The following LRRC7 variants were observed in gnomAD, a reference collection of about 807,000 sequenced individuals.
The protein encoded by LRRC7 is leucine rich repeat containing 7, also known as leucine-rich repeat-containing protein 7.
LRRC7 carries 23 observed loss-of-function variants against 175.7 expected under a neutral mutation model. The ratio of observed to expected loss-of-function variants is 0.13; its 90% CI spans 0.09 to 0.19. The LOEUF (loss-of-function observed/expected upper bound fraction) is 0.19, where lower values mean the gene tolerates loss of function less well. Ranked by LOEUF, LRRC7 falls within the 10% of genes least tolerant of loss-of-function variation. LRRC7 has a pLI of 1.00. For missense variants in LRRC7, 1,354 were observed against 1,904.7 expected, an observed-to-expected ratio of 0.71 and a Z score of 5.38; for synonymous variants, 685 against 680.9, an observed-to-expected ratio of 1.01 and a Z score of -0.09.
At chr1:69,719,193 C>G (rs752674897) in intron 2 of LRRC7, among the ~76,000 whole-genome samples, 2 of 151,676 alleles carry the variant, frequency 1.3e-5, no homozygotes, top group Non-Finnish European at 3.0e-5. Flanking sequence ...CTTATTCCAT[C>G]TAATAATCGC....
At chr1:69,765,352 A>G (rs560737128) in intron 3 of LRRC7, among the ~76,000 whole-genome samples, 1 of 152,234 alleles carries the variant, frequency 6.6e-6, no homozygotes, top group Non-Finnish European at 1.5e-5. Flanking sequence ...CTCAGTGGAT[A>G]ACTGAACAGA....
intron 26 of LRRC7, among the ~76,000 whole-genome samples, chr1:70,119,007 T>TA (rs1311172258): frequency 6.6e-6 from 1 of 152,036 alleles, no homozygotes; most frequent in Non-Finnish European, 1.5e-5. Flanking sequence ...CTTCCCATGC[T>TA]AAAGCCTATG....
chr1:70,105,963 TA>T (rs1665116746), intron 25 of LRRC7, among the ~76,000 whole-genome samples: 1 of 152,122 alleles, frequency 6.6e-6, no homozygotes, highest in East Asian at 1.9e-4. Flanking sequence ...CAAGTAGAAG[TA>T]TTTTAGTTTG....
intron 1 of LRRC7, among the ~76,000 whole-genome samples, chr1:69,673,669 G>T (rs1272807394): frequency 6.6e-6 from 1 of 152,160 alleles, no homozygotes; most frequent in Admixed American, 6.5e-5. Context: ...GCAAGTTTCA[G>T]TTATATAATA....
chr1:69,945,136 G>A (rs748972344), intron 8 of LRRC7, among the ~76,000 whole-genome samples: 30 of 152,008 alleles, frequency 2.0e-4, no homozygotes, highest in Non-Finnish European at 2.1e-4. Flanking sequence ...TTACAGTTTC[G>A]GGACGTACAT....
chr1:69,802,163 C>T (rs1676591470), intron 4 of LRRC7, among the ~76,000 whole-genome samples: 1 of 151,178 alleles, frequency 6.6e-6, no homozygotes, highest in Non-Finnish European at 1.5e-5. Context: ...TTGGAGAATA[C>T]TCCATGTGCT....
intron 18 of LRRC7, among the ~76,000 whole-genome samples, chr1:70,033,195 G>A (rs1658947254): frequency 6.6e-6 from 1 of 152,128 alleles, no homozygotes; most frequent in Non-Finnish European, 1.5e-5. Flanking sequence ...GCAGATCCCA[G>A]TTCAAATCTT....
At chr1:69,785,145 T>A (rs1674257495) in intron 3 of LRRC7, among the ~76,000 whole-genome samples, 2 of 152,180 alleles carry the variant, frequency 1.3e-5, no homozygotes, top group Admixed American at 1.3e-4. Flanking sequence ...AAAAATGTGT[T>A]AAATATCCTG....
At chr1:70,002,200 T>C (rs1655600201) in intron 11 of LRRC7, among the ~76,000 whole-genome samples, 1 of 152,124 alleles carries the variant, frequency 6.6e-6, no homozygotes, top group Admixed American at 6.5e-5. Flanking sequence ...TATTCCTTCA[T>C]AGAGTGTGGT....
Position 69,907,349 on chromosome 1 carries a change from G to T in LRRC7, c.648-24158G>T, listed in dbSNP as rs200309671. ...TACCTGTCTTGTGCCAGTTTTCAAA[G>T]GGAATGCTTCCAGTTTTTGCCCATT... On this transcript the variant is annotated intron_variant, in intron 7 of 26. Coordinates refer to ENST00000651989, the MANE Select transcript of LRRC7 (RefSeq NM_001370785.2). 2.8e-3 allele frequency among the ~76,000 whole-genome samples: 421 copies of T among 152,268 alleles called. 16 individuals are homozygous for T. The East Asian group carries it at 0.072, about 26-fold the overall frequency.
intron 1 of LRRC7, among the ~76,000 whole-genome samples, chr1:69,578,773 C>T (rs1430769861): frequency 1.0e-3 from 127 of 125,230 alleles, no homozygotes; most frequent in Admixed American, 2.4e-3. Flanking sequence ...AGGGGAACAT[C>T]ACACTCTGGG....
At chr1:70,066,807 A>T (rs2102101331) in intron 23 of LRRC7, among the ~76,000 whole-genome samples, 1 of 152,186 alleles carries the variant, frequency 6.6e-6, no homozygotes, top group Middle Eastern at 3.4e-3. Context: ...GAAACTACCA[A>T]ACATTTTTCC....
At chr1:69,704,315 T>C (rs190684505) in intron 2 of LRRC7, among the ~76,000 whole-genome samples, 2 of 152,156 alleles carry the variant, frequency 1.3e-5, no homozygotes, top group African/African-American at 2.4e-5. Context: ...ACTTTATTCA[T>C]TAGTTCAGTA....
rs1247532363 is a variant in LRRC7 at position 69,647,595 on chromosome 1, G to GT, written c.3-30778dup. Among the ~76,000 whole-genome samples, 66 of 150,800 alleles carry GT rather than the reference G, an allele frequency of 4.4e-4. 1 individual carries two copies. In the East Asian group the frequency reaches 0.012, roughly 27 times the overall value. Reference sequence around the variant, plus strand: ...ATTTAGTGTAGATTTATTTTTACTTGTTTTTTTTCTAAAGCCTATAGGCCC... The same window carrying GT: ...ATTTAGTGTAGATTTATTTTTACTTGTTTTTTTTTCTAAAGCCTATAGGCCC... On this transcript the variant is annotated intron_variant, in intron 1 of 26. Coordinates refer to ENST00000651989, the MANE Select transcript of LRRC7 (RefSeq NM_001370785.2).
At chr1:69,904,948 C>T (rs1377640723) in intron 7 of LRRC7, among the ~76,000 whole-genome samples, 1 of 152,080 alleles carries the variant, frequency 6.6e-6, no homozygotes, top group African/African-American at 2.4e-5. Flanking sequence ...TGCATTAATC[C>T]ACTGAAGATA....
intron 2 of LRRC7, among the ~76,000 whole-genome samples, chr1:69,682,583 A>C (rs949722458): frequency 6.6e-6 from 1 of 152,136 alleles, no homozygotes; most frequent in African/African-American, 2.4e-5. Context: ...AACCCAATTG[A>C]TGTTATATCA....
At chr1:69,902,190 G>A (rs1335149401) in intron 7 of LRRC7, among the ~76,000 whole-genome samples, 1 of 152,108 alleles carries the variant, frequency 6.6e-6, no homozygotes, top group Admixed American at 6.6e-5. Flanking sequence ...CCCATCCTTA[G>A]CCCAGTGCCT....
intron 2 of LRRC7, among the ~76,000 whole-genome samples, chr1:69,754,934 A>G (rs1474456600): frequency 6.6e-6 from 1 of 152,054 alleles, no homozygotes; most frequent in Non-Finnish European, 1.5e-5. Flanking sequence ...TAAAGAAAAA[A>G]AGGGTACAAT....
At chr1:69,978,424 G>A (rs1260009152) in intron 8 of LRRC7, among the ~76,000 whole-genome samples, 1 of 152,128 alleles carries the variant, frequency 6.6e-6, no homozygotes, top group East Asian at 1.9e-4. Context: ...ATCAGAGTGT[G>A]CTCCCTACAC....
Sources: gnomAD v4.1 joint callset for allele counts (sites outside exome capture counted in the v4.1 genomes callset) on GRCh38, gnomAD v4.1.1 for gene constraint, MANE v1.5 for transcripts, NCBI Gene and HGNC (gene_info 2026-07-23, HGNC 2026-07-21) for gene names.